The following SLC67A1 variants were observed in gnomAD, a reference collection of about 807,000 sequenced individuals.
SLC67A1 encodes the protein solute carrier family 67 member A1.
At chr11:2,924,747 C>T in the SLC67A1 span, among the ~76,000 whole-genome samples, 5 of 150,970 alleles carry the variant, frequency 3.3e-5, no homozygotes, top group East Asian at 2.0e-4. The surrounding 1 kb of genome is among the most constrained non-coding windows in gnomAD (Gnocchi z 8.6). Context: ...GAGAGGTCCT[C>T]GGGGAACAGA....
At chr11:2,924,361 T>C in the SLC67A1 span, among the ~76,000 whole-genome samples, 1 of 151,186 alleles carries the variant, frequency 6.6e-6, no homozygotes, top group Non-Finnish European at 1.5e-5. The surrounding 1 kb of genome is among the most constrained non-coding windows in gnomAD (Gnocchi z 8.6). Context: ...TTCCATGGAG[T>C]AGTAGGAGCT....
At chr11:2,900,694 A>AG in the SLC67A1 span, among the ~76,000 whole-genome samples, 1 of 47,336 alleles carries the variant, frequency 2.1e-5, no homozygotes, top group Admixed American at 2.2e-4. Flanking sequence ...CTCCGTCTCA[A>AG]AAAAAAAAAA....
chr11:2,909,560 C>G, the SLC67A1 span: 1 of 1,522,744 alleles, frequency 6.6e-7, no homozygotes, highest in African/African-American at 1.4e-5. Flanking sequence ...CCGCTCAGCT[C>G]CCCCGCCCCG....
At chr11:2,905,013 A>G in the SLC67A1 span, among the ~76,000 whole-genome samples, 2 of 152,230 alleles carry the variant, frequency 1.3e-5, no homozygotes, top group African/African-American at 4.8e-5. Flanking sequence ...CTCAGGGAGC[A>G]CTGAAGATCT....
chr11:2,909,518 AG>A, the SLC67A1 span: 31 of 609,976 alleles, frequency 5.1e-5, no homozygotes, highest in Admixed American at 2.4e-4. Flanking sequence ...GGGGCGGGTC[AG>A]GGGGGGAAGG....
chr11:2,909,191 C>T, the SLC67A1 span: 38 of 1,512,896 alleles, frequency 2.5e-5, no homozygotes, highest in Admixed American at 6.2e-5. Flanking sequence ...CCCCTCGGCC[C>T]CCAGGTTCGC....
the SLC67A1 span, chr11:2,919,389 C>CT: frequency 6.2e-7 from 1 of 1,613,646 alleles, no homozygotes. Context: ...TCATGTCCTT[C>CT]TTCGGGCTCC....
chr11:2,916,990 G>A, the SLC67A1 span: 1 of 558,758 alleles, frequency 1.8e-6, no homozygotes, highest in East Asian at 3.2e-5. Context: ...CCCAGACAGG[G>A]AAGGCGTTAG....
the SLC67A1 span, chr11:2,919,013 G>A: frequency 2.5e-6 from 1 of 407,812 alleles, no homozygotes; most frequent in Non-Finnish European, 4.6e-6. Context: ...GCCGTGGTGG[G>A]TCTTGGGGGC....
the SLC67A1 span, among the ~76,000 whole-genome samples, chr11:2,910,458 GGCCTGAA>G: frequency 6.6e-6 from 1 of 152,176 alleles, no homozygotes; most frequent in Non-Finnish European, 1.5e-5. Context: ...TCTGAGTCGA[GGCCTGAA>G]GCAGGAGAGG....
chr11:2,917,080 T>G, the SLC67A1 span: 2 of 272,914 alleles, frequency 7.3e-6, no homozygotes, highest in East Asian at 9.3e-5. Flanking sequence ...ACCCCCCCAA[T>G]GGGGTGGGTG....
the SLC67A1 span, among the ~76,000 whole-genome samples, chr11:2,913,755 G>A: frequency 6.7e-3 from 1,016 of 152,302 alleles, 5 homozygotes; most frequent in Non-Finnish European, 0.011. Context: ...CTGTGGGTTC[G>A]CTCCTGGCAG....
chr11:2,909,706 T>A, the SLC67A1 span: 2 of 1,526,092 alleles, frequency 1.3e-6, no homozygotes, highest in Admixed American at 2.0e-5. Flanking sequence ...GGTCTCCGCG[T>A]ACGGGTGAGT....
chr11:2,905,776 GT>G, the SLC67A1 span, among the ~76,000 whole-genome samples: 1 of 152,380 alleles, frequency 6.6e-6, no homozygotes, highest in East Asian at 1.9e-4. Context: ...GGGAGTAGCT[GT>G]AGGGGAGGGT....
At chr11:2,919,178 C>T in the SLC67A1 span, 2 of 665,400 alleles carry the variant, frequency 3.0e-6, no homozygotes, top group African/African-American at 3.6e-5. Context: ...GCATCACAGG[C>T]CCCTCCCTGA....
At chr11:2,919,418 A>C in the SLC67A1 span, 1 of 1,603,426 alleles carries the variant, frequency 6.2e-7, no homozygotes, top group East Asian at 2.2e-5. Flanking sequence ...GTGAGTGGGC[A>C]CACAGGGCCT....
chr11:2,924,897 C>T, the SLC67A1 span: 16 of 911,262 alleles, frequency 1.8e-5, no homozygotes, highest in African/African-American at 1.2e-4. This position sits in a 1 kb window ranked among gnomAD's most constrained non-coding sequence, Gnocchi z 8.6. Flanking sequence ...GTGCGGACTG[C>T]GCCGTGAGGT....
At chr11:2,925,092 C>A in the SLC67A1 span, 1 of 1,613,884 alleles carries the variant, frequency 6.2e-7, no homozygotes, top group South Asian at 1.1e-5. This position sits in a 1 kb window ranked among gnomAD's most constrained non-coding sequence, Gnocchi z 6.5. Flanking sequence ...TGTACCGCAG[C>A]TTTGGCGTCC....
the SLC67A1 span, chr11:2,909,417 C>G: frequency 6.8e-7 from 1 of 1,473,930 alleles, no homozygotes; most frequent in Non-Finnish European, 8.9e-7. Flanking sequence ...GCGGAGGACC[C>G]GGGACACCTC....
Sources: allele counts gnomAD v4.1 joint callset (sites outside exome capture counted in the v4.1 genomes callset), GRCh38; gene constraint gnomAD v4.1.1; non-coding constraint Gnocchi (gnomAD v3.1); transcripts MANE v1.5; gene names NCBI Gene and HGNC (gene_info 2026-07-23, HGNC 2026-07-21).